Variants in ABCA4 observed in about 807,000 individuals in gnomAD.
ABCA4 encodes the protein retinal-specific phospholipid-transporting ATPase ABCA4.
ABCA4 carries 196 observed loss-of-function variants against 263.7 expected under a neutral mutation model. That is an observed-to-expected ratio of 0.74 (90% confidence interval 0.66 to 0.84). The LOEUF (loss-of-function observed/expected upper bound fraction) is 0.84, where lower values mean the gene tolerates loss of function less well. ABCA4 is among the 40% of genes least tolerant of loss of function. The pLI is 0.00. For synonymous variants in ABCA4, 1,133 were observed against 1,094.2 expected (o/e 1.04, Z -0.70); for missense variants, 2,792 against 2,855.1 (o/e 0.98, Z 0.50).
At chr1:94,093,374 G>A (rs1315428587) in intron 6 of ABCA4, among the ~76,000 whole-genome samples, 2 of 152,130 alleles carry the variant, frequency 1.3e-5, no homozygotes, top group Non-Finnish European at 2.9e-5. Flanking sequence ...TCAGATTCTC[G>A]AAGGTAATCC....
chr1:94,001,042 T>C lies in ABCA4; in HGVS notation c.6346A>G (p.Ile2116Val), dbSNP rs771055152. 8.1e-6 allele frequency: 13 copies of C among 1,614,166 alleles called. No individual in the cohort carries two copies. The highest frequency in any genetic ancestry group is 1.0e-5 in the Non-Finnish European group (12 of 1,180,028). Residue 2116 changes from isoleucine (I) to valine (V), a missense_variant, in exon 46 of 50, where the codon ATC becomes GTC. Transcript: ENST00000370225. ...ACCACAGCCCTCCCTTCTCTGATGA[T>C]GCTCACGATGACGTTCCACAGCATG... The part of the protein sequence containing the change: ...RRMLWNVIVS[I>V]IREGRAVVLT...
At position 94,031,883 on chromosome 1, in the gene ABCA4, G is replaced by T; in HGVS notation, c.4023C>A (p.Gly1341=). The T allele has an allele frequency of 6.2e-7, 1 of 1,614,216 alleles. No homozygotes were observed. Among genetic ancestry groups the T allele is most frequent in the South Asian group, 1.1e-5 (1 of 91,084 alleles). The change falls in exon 27 of 50, where the codon GGC becomes GGA. Residue 1341 remains glycine (G), a synonymous_variant. Coordinates refer to ENST00000370225, the MANE Select transcript of ABCA4 (RefSeq NM_000350.3). ...GQPPPEPECP[G]PQLNTGTQLV... ...GCTGTGTCCCCGTGTTGAGCTGCGGGCCTGGGCACTCTGGCTCTGGGGGAG... is the reference window on the plus strand; with the variant it reads ...GCTGTGTCCCCGTGTTGAGCTGCGGTCCTGGGCACTCTGGCTCTGGGGGAG...
At chr1:94,012,713 C>T (rs1055820582) in intron 38 of ABCA4, among the ~76,000 whole-genome samples, 1 of 152,234 alleles carries the variant, frequency 6.6e-6, no homozygotes, top group East Asian at 1.9e-4. Context: ...TTATCTGCCT[C>T]GCTCCTCTGC....
At chr1:94,007,529 C>T (rs1192298262) in intron 43 of ABCA4, 105 bp downstream of exon 43, 7 of 1,041,510 alleles carry the variant, frequency 6.7e-6, no homozygotes, top group Non-Finnish European at 1.1e-5. Flanking sequence ...ACAGATCTTT[C>T]AGGGCCTCAG....
chr1:94,051,818 G>A, intron 16 of ABCA4, 120 bp from the exon 17 acceptor site: 8 of 785,374 alleles, frequency 1.0e-5, no homozygotes, highest in Non-Finnish European at 2.2e-6. Context: ...ATAGATATTT[G>A]CAGTTATTAT....
chr1:94,025,364 T>C (rs41292681), intron 30 of ABCA4, among the ~76,000 whole-genome samples: 12,360 of 152,188 alleles, frequency 0.081, 648 homozygotes, highest in Middle Eastern at 0.2. Context: ...AACTTCCACA[T>C]GGGTCTGCCT....
chr1:94,002,591 G>A (rs191606938), intron 44 of ABCA4, among the ~76,000 whole-genome samples: 22 of 152,302 alleles, frequency 1.4e-4, no homozygotes, highest in Admixed American at 1.2e-3. Flanking sequence ...GTGCACATGC[G>A]CAGGAGGGGA....
chr1:94,063,236 T>A lies in ABCA4; in HGVS notation c.1636A>T (p.Met546Leu). Residue 546 changes from methionine to leucine, a missense_variant, in exon 12 of 50, where the codon ATG (methionine) becomes TTG (leucine). Physicochemically the swap from Met to Leu is conservative, Grantham distance 15. Transcript: ENST00000370225. ...GGGAATACCACTCCGGCCCAGAACA[T>A]GTTTTCCTCCAGTAGAGAGAGGGCA... ...QRALSLLEEN[M>L]FWAGVVFPDM... is the part of the protein sequence containing the mutation. 6.2e-7 allele frequency: 1 copy of A among 1,614,122 alleles called. No homozygotes were observed. Among genetic ancestry groups the A allele is most frequent in the Non-Finnish European group, 8.5e-7 (1 of 1,180,022 alleles).
At chr1:94,028,983 A>T (rs189660692) in intron 30 of ABCA4, among the ~76,000 whole-genome samples, 40 of 150,060 alleles carry the variant, frequency 2.7e-4, no homozygotes, top group African/African-American at 9.5e-4. Context: ...GCAGATGTCT[A>T]TTTATTGACA....
rs1392476534 is a variant in ABCA4, at chr1:94,000,901, G to C, written c.6414C>G (p.Thr2138=). The part of the protein sequence containing the change: ...HSMEECEALC[T]RLAIMVKGAF... ...CGCCCTTTACCATGATGGCCAGCCG[G>C]GTACACAGTGCCTCACATTCTTCCA... is the stretch of plus-strand genomic sequence containing the variant. Residue 2138 remains threonine (T), a synonymous_variant, in exon 47 of 50, where the codon ACC becomes ACG. Coordinates refer to ENST00000370225, the MANE Select transcript of ABCA4 (RefSeq NM_000350.3). The C allele has an allele frequency of 6.2e-7, 1 of 1,614,194 alleles. No homozygotes were observed. The highest frequency in any genetic ancestry group is 1.7e-5 in the Admixed American group (1 of 60,030).
At position 94,083,414 on chromosome 1, in the gene ABCA4, G is replaced by C. The variant is rs764368214; in HGVS notation, c.796C>G (p.Gln266Glu). Residue 266 changes from glutamine (Q) to glutamate (E), a missense_variant, in exon 7 of 50, where the codon CAA (glutamine) becomes GAA (glutamate). Coordinates refer to ENST00000370225, the MANE Select transcript of ABCA4 (RefSeq NM_000350.3). ...VLPTLLDSRS[Q>E]GINLRSWGGI... is the part of the protein sequence containing the mutation. The stretch of plus-strand genomic sequence containing the variant: ...CCCCAAGATCTCAGATTGATACCTT[G>C]AGAACGGCTGTCTAGGAGTGTGGGA... 2 of 1,613,724 alleles carry C rather than the reference G, an allele frequency of 1.2e-6. No homozygotes were observed. The highest frequency in any genetic ancestry group is 1.7e-6 in the Non-Finnish European group (2 of 1,179,846).
rs116539031 is a variant in ABCA4 at position 94,036,158 on chromosome 1, C to T, written c.3862+582G>A. ...AGATGAGGATGATGACATGGCAGGCCGAGAGACTGGGGATACAGCATGAGG... is the reference window on the plus strand; with the variant it reads ...AGATGAGGATGATGACATGGCAGGCTGAGAGACTGGGGATACAGCATGAGG... On this transcript the variant is annotated intron_variant, in intron 26 of 49. Transcript: ENST00000370225. 1.8e-3 allele frequency among the ~76,000 whole-genome samples: 272 copies of T among 151,818 alleles called. 1 individual carries two copies. Among genetic ancestry groups the T allele is most frequent in the Middle Eastern group, 6.8e-3 (2 of 292 alleles).
intron 22 of ABCA4, among the ~76,000 whole-genome samples, chr1:94,041,978 A>C (rs1660499469): frequency 6.6e-6 from 1 of 151,808 alleles, no homozygotes. Flanking sequence ...GGGCACCTGT[A>C]GTCCCAGCTA....
At position 94,029,596 on chromosome 1, in the gene ABCA4, G is replaced by A; in HGVS notation, c.4388C>T (p.Thr1463Ile). ...YPCGNSTPWK[T>I]PSVSPNITQL... Reference sequence around the variant, plus strand: ...GGTGATGTTTGGGGACACAGAAGGAGTCTTCCAGGGTGTTGAGTTGCCACA... The same window carrying A: ...GGTGATGTTTGGGGACACAGAAGGAATCTTCCAGGGTGTTGAGTTGCCACA... The change falls in exon 30 of 50, where the codon ACT becomes ATT. Residue 1463 changes from threonine to isoleucine, a missense_variant. Coordinates refer to ENST00000370225, the MANE Select transcript of ABCA4 (RefSeq NM_000350.3). 2 of 1,614,044 alleles carry A rather than the reference G, an allele frequency of 1.2e-6. No homozygotes were observed. The highest frequency in any genetic ancestry group is 1.7e-6 in the Non-Finnish European group (2 of 1,179,948).
chr1:94,103,029 C>CT lies in ABCA4; in HGVS notation c.555dup (p.Val186SerfsTer94). The CT allele has an allele frequency of 6.2e-7, 1 of 1,614,222 alleles. No individual in the cohort carries two copies. The highest frequency in any genetic ancestry group is 8.5e-7 in the Non-Finnish European group (1 of 1,180,038). ...CATCCCCCTACCTGCTCTGGACGGA[C>CT]TTGAGAGTTGATCAGAAGGTAGACC... is the stretch of plus-strand genomic sequence containing the variant. On this transcript the variant is annotated frameshift_variant, in exon 5 of 50. Transcript: ENST00000370225. LOFTEE classifies it high-confidence loss of function.
At chr1:94,034,305 C>T (rs569029313) in intron 26 of ABCA4, among the ~76,000 whole-genome samples, 2 of 152,270 alleles carry the variant, frequency 1.3e-5, no homozygotes, top group South Asian at 4.1e-4. Flanking sequence ...CCCTTTTCTT[C>T]TTCTCTTCTT....
chr1:94,025,695 G>C (rs1276881158), intron 30 of ABCA4: 1 of 161,038 alleles, frequency 6.2e-6, no homozygotes, highest in African/African-American at 2.4e-5. Context: ...TTATTCCTCG[G>C]AGAAATGTTC....
At chr1:94,011,470 G>GGAC (rs1659546378) in intron 38 of ABCA4, 85 bp from the exon 39 acceptor site, 1 of 1,599,494 alleles carries the variant, frequency 6.3e-7, no homozygotes, top group Admixed American at 1.7e-5. Context: ...TGCTCTCACA[G>GGAC]GACAGCACAG....
intron 19 of ABCA4, chr1:94,045,582 A>T: frequency 2.7e-6 from 1 of 372,890 alleles, no homozygotes; most frequent in South Asian, 2.0e-5. Context: ...ATCAGTTAGC[A>T]TGGAGAGAAA....
Sources: gnomAD v4.1 joint callset for allele counts (sites outside exome capture counted in the v4.1 genomes callset) on GRCh38, gnomAD v4.1.1 for gene constraint, MANE v1.5 for transcripts, NCBI Gene and HGNC (gene_info 2026-07-23, HGNC 2026-07-21) for gene names.